Variants in LRRC69 observed in about 807,000 individuals in gnomAD.
LRRC69 encodes the protein leucine rich repeat containing 69.
Under a neutral mutation model 37.8 loss-of-function variants are expected in LRRC69, and 42 were observed. The ratio of observed to expected loss-of-function variants is 1.11; its 90% CI spans 0.87 to 1.44. The LOEUF (loss-of-function observed/expected upper bound fraction) is 1.44, where lower values mean the gene tolerates loss of function less well. Ranked by LOEUF, LRRC69 falls within the 40% of genes most tolerant of loss-of-function variation. The pLI is 0.00. For missense variants in LRRC69, 357 were observed against 401.9 expected, an observed-to-expected ratio of 0.89 and a Z score of 0.96; for synonymous variants, 141 against 143.1, an observed-to-expected ratio of 0.99 and a Z score of 0.11.
chr8:91,113,472 G>C (rs561118842), intron 1 of LRRC69, among the ~76,000 whole-genome samples: 1 of 152,000 alleles, frequency 6.6e-6, no homozygotes, highest in Non-Finnish European at 1.5e-5. Flanking sequence ...GGAAAGGATA[G>C]TGTCTTCAAT....
chr8:91,133,094 GTTTT>G lies in LRRC69; in HGVS notation c.384-6_384-3del. On this transcript the variant is annotated splice_polypyrimidine_tract_variant and intron_variant, in intron 3 of 7. Transcript: ENST00000448384. ...GTGAGTTTCATTCATATACTTTGGT[GTTTT>G]TTTTTTTTTAGATTAAAAAGTCTTA... 1 of 1,160,580 alleles carries G rather than the reference GTTTT, an allele frequency of 8.6e-7. No individual in the cohort carries two copies. The allele number at this position is 1,160,580 out of a possible 1,614,324, so 71.9% of individuals were successfully genotyped here.
At chr8:91,117,797 C>T (rs71528768) in intron 1 of LRRC69, among the ~76,000 whole-genome samples, 8,027 of 151,648 alleles carry the variant, frequency 0.053, 309 homozygotes, top group Middle Eastern at 0.17. Flanking sequence ...GAGGGAGACC[C>T]GTGGTCCCAC....
rs1468942733 is a variant in LRRC69 at position 91,113,205 on chromosome 8, G to GA, written c.183+10367dup. On this transcript the variant is annotated intron_variant, in intron 1 of 7. Transcript: ENST00000448384. ...CCTAATGGTATTCTTCACAAAAATAGAAAAAACAATTTTAAAATGCATATG... is the reference window on the plus strand; with the variant it reads ...CCTAATGGTATTCTTCACAAAAATAGAAAAAAACAATTTTAAAATGCATATG... Among the ~76,000 whole-genome samples the GA allele has an allele frequency of 2.6e-5, 4 of 151,958 alleles. No homozygotes were observed. In the South Asian group the frequency reaches 8.3e-4, roughly 32 times the overall value.
intron 5 of LRRC69, among the ~76,000 whole-genome samples, chr8:91,143,546 A>G (rs921867132): frequency 1.3e-5 from 2 of 152,036 alleles, no homozygotes; most frequent in African/African-American, 4.8e-5. Context: ...AAGTATTTGT[A>G]TATCCCTAAG....
intron 6 of LRRC69, among the ~76,000 whole-genome samples, chr8:91,197,376 C>A (rs1017477986): frequency 6.6e-6 from 1 of 152,196 alleles, no homozygotes; most frequent in African/African-American, 2.4e-5. Context: ...CCACCCAGTT[C>A]GAGCTTCCCC....
chr8:91,207,717 A>G (rs1185770365), intron 7 of LRRC69, among the ~76,000 whole-genome samples: 1 of 152,262 alleles, frequency 6.6e-6, no homozygotes, highest in Admixed American at 6.5e-5. Context: ...TAAATTGCAC[A>G]ATGTGTACAG....
At chr8:91,106,843 A>C (rs900903228) in intron 1 of LRRC69, among the ~76,000 whole-genome samples, 3 of 151,534 alleles carry the variant, frequency 2.0e-5, no homozygotes, top group Non-Finnish European at 2.9e-5. Context: ...CCCAAGCTGG[A>C]GTGTACTGGT....
At chr8:91,150,250 A>T (rs1469787318) in intron 5 of LRRC69, among the ~76,000 whole-genome samples, 1 of 151,934 alleles carries the variant, frequency 6.6e-6, no homozygotes, top group East Asian at 1.9e-4. Flanking sequence ...TTATTTTGAG[A>T]TACATCCCAT....
intron 1 of LRRC69, chr8:91,118,252 C>T (rs1187136986): frequency 2.2e-6 from 1 of 453,632 alleles, no homozygotes; most frequent in Non-Finnish European, 4.4e-6. Flanking sequence ...TGCCTGTAAT[C>T]CCAGCACTTT....
At chr8:91,197,935 T>A (rs184800178) in intron 6 of LRRC69, among the ~76,000 whole-genome samples, 1 of 152,268 alleles carries the variant, frequency 6.6e-6, no homozygotes, top group East Asian at 1.9e-4. Context: ...AATATGTAAA[T>A]GATGTGTGTA....
At chr8:91,184,731 A>G (rs562445347) in intron 5 of LRRC69, among the ~76,000 whole-genome samples, 7 of 152,304 alleles carry the variant, frequency 4.6e-5, no homozygotes, top group South Asian at 2.1e-4. Context: ...ATGTTTTATG[A>G]TATGGACAAA....
intron 6 of LRRC69, among the ~76,000 whole-genome samples, chr8:91,191,945 C>G (rs1205875644): frequency 6.6e-6 from 1 of 151,686 alleles, no homozygotes; most frequent in Non-Finnish European, 1.5e-5. Flanking sequence ...GCTGCACCCA[C>G]TAACTCGTCA....
intron 5 of LRRC69, chr8:91,158,157 C>T (rs1012965977): frequency 1.2e-6 from 2 of 1,603,420 alleles, no homozygotes; most frequent in Non-Finnish European, 1.7e-6. Flanking sequence ...TGGAAAATCC[C>T]AGAAAGATCT....
At chr8:91,107,046 C>T (rs1461738693) in intron 1 of LRRC69, among the ~76,000 whole-genome samples, 2 of 151,736 alleles carry the variant, frequency 1.3e-5, no homozygotes, top group Non-Finnish European at 2.9e-5. Flanking sequence ...AAGCAATCCT[C>T]CCACCTCAGC....
chr8:91,119,256 TTAAG>T (rs756120317), intron 1 of LRRC69, among the ~76,000 whole-genome samples: 15 of 151,862 alleles, frequency 9.9e-5, no homozygotes, highest in African/African-American at 3.1e-4. Flanking sequence ...TCTGTATAAT[TTAAG>T]TAATCTACAC....
At chr8:91,135,321 A>G (rs1159852914) in intron 4 of LRRC69, among the ~76,000 whole-genome samples, 2 of 152,096 alleles carry the variant, frequency 1.3e-5, no homozygotes, top group East Asian at 3.8e-4. Flanking sequence ...AAGGGCTTCT[A>G]TTAGCATTTT....
In LRRC69 at chr8:91,197,709, C is replaced by T. The variant is rs572606987; in HGVS notation, c.754-2904C>T. On this transcript the variant is annotated intron_variant, in intron 6 of 7. Transcript: ENST00000448384. ...GCCTCACCCTGCTTCGGCTCGCGCACGGTGCGCGCACCCACTGACCGGCGC... is the reference window on the plus strand; with the variant it reads ...GCCTCACCCTGCTTCGGCTCGCGCATGGTGCGCGCACCCACTGACCGGCGC... Among the ~76,000 whole-genome samples, 16 of 152,176 alleles carry T rather than the reference C, an allele frequency of 1.1e-4. No individual in the cohort carries two copies. In the South Asian group the frequency reaches 2.5e-3, roughly 24 times the overall value.
At chr8:91,194,470 C>G (rs1212970944) in intron 6 of LRRC69, among the ~76,000 whole-genome samples, 2 of 151,990 alleles carry the variant, frequency 1.3e-5, no homozygotes, top group African/African-American at 4.8e-5. Flanking sequence ...GTGAATCCAT[C>G]TGGTCCTGGA....
intron 5 of LRRC69, among the ~76,000 whole-genome samples, chr8:91,159,875 A>AAAC (rs138395071): frequency 0.052 from 7,913 of 151,062 alleles, 298 homozygotes; most frequent in Middle Eastern, 0.16. Context: ...GTTTCCTTAG[A>AAAC]GTGTTCTTGG....
Sources: allele counts gnomAD v4.1 joint callset (sites outside exome capture counted in the v4.1 genomes callset), GRCh38; gene constraint gnomAD v4.1.1; transcripts MANE v1.5; gene names NCBI Gene and HGNC (gene_info 2026-07-23, HGNC 2026-07-21).